ALX4: variants seen among roughly 807,000 people sequenced by gnomAD.
ALX4 encodes homeobox protein aristaless-like 4.
Under a neutral mutation model 40.6 loss-of-function variants are expected in ALX4, and 22 were observed. That is an observed-to-expected ratio of 0.54 (90% CI 0.39 to 0.77). The LOEUF is 0.77. Ranked by LOEUF, ALX4 falls within the 30% of genes least tolerant of loss-of-function variation. The pLI, the probability that ALX4 is intolerant of heterozygous loss-of-function variation, is 0.00. For missense variants in ALX4, 556 were observed against 564.8 expected (o/e 0.98, Z 0.16); for synonymous variants, 266 against 240.5 (o/e 1.11, Z -0.98).
chr11:44,285,336 C>T (rs900124158), intron 1 of ALX4, among the ~76,000 whole-genome samples: 3 of 152,228 alleles, frequency 2.0e-5, no homozygotes, highest in African/African-American at 7.2e-5. Context: ...TTCTACCACA[C>T]CATCCTTAAT....
intron 1 of ALX4, among the ~76,000 whole-genome samples, chr11:44,279,255 G>A (rs1005728234): frequency 7.9e-5 from 12 of 152,096 alleles, no homozygotes; most frequent in East Asian, 1.9e-4. Context: ...ACCCCCCAGC[G>A]CCCTTCCCCA....
chr11:44,276,137 C>G (rs1401443180), intron 1 of ALX4, among the ~76,000 whole-genome samples: 1 of 152,204 alleles, frequency 6.6e-6, no homozygotes, highest in African/African-American at 2.4e-5. Flanking sequence ...TTGAGGCAGA[C>G]AGGAGTGCCC....
At chr11:44,270,094 C>T (rs556678072) in intron 2 of ALX4, among the ~76,000 whole-genome samples, 22 of 151,800 alleles carry the variant, frequency 1.4e-4, no homozygotes, top group African/African-American at 4.1e-4. Flanking sequence ...GGAGGGACCC[C>T]GAAGAGGGAA....
rs2135313863 is a variant in ALX4 at position 44,275,332 on chromosome 11, G to A, written c.777+16C>T. ...CTCTGCTTTACCAGCCTCACTCCCAGGTGGCCCTCACTGACCTGCACGCGG... is the reference window on the plus strand; with the variant it reads ...CTCTGCTTTACCAGCCTCACTCCCAAGTGGCCCTCACTGACCTGCACGCGG... On this transcript the variant is annotated intron_variant, in intron 2 of 3. Transcript: ENST00000652299. 1 of 1,614,044 alleles carries A rather than the reference G, an allele frequency of 6.2e-7. No individual in the cohort carries two copies. The highest frequency in any genetic ancestry group is 8.5e-7 in the Non-Finnish European group (1 of 1,179,914).
rs1956201255 is a variant in ALX4 at position 44,264,530 on chromosome 11, G to A, written c.*324C>T. On this transcript the variant is annotated 3_prime_UTR_variant, in exon 4 of 4. Transcript: ENST00000652299. ...ATTGACTCATGGTCAACTAGGCAGA[G>A]CAGAGGAGTGGGCGGGAGCAAGAAA... The A allele has an allele frequency of 2.3e-6, 1 of 441,256 alleles. No homozygotes were observed. The highest frequency in any genetic ancestry group is 4.3e-5 in the East Asian group (1 of 23,252). 27.3% of individuals were successfully genotyped at this position (441,256 alleles called of 1,614,324 possible).
At chr11:44,299,354 GTTTTTT>G (rs772070484) in intron 1 of ALX4, among the ~76,000 whole-genome samples, 1 of 113,084 alleles carries the variant, frequency 8.8e-6, no homozygotes, top group Admixed American at 1.2e-4. Flanking sequence ...GGGGGCCATG[GTTTTTT>G]TTTTTTTTTT....
At chr11:44,292,052 C>T (rs561047993) in intron 1 of ALX4, among the ~76,000 whole-genome samples, 34 of 151,466 alleles carry the variant, frequency 2.2e-4, no homozygotes, top group African/African-American at 6.8e-4. Flanking sequence ...CTCCTGACCT[C>T]GAGATCCACC....
intron 1 of ALX4, 144 bp downstream of exon 1, chr11:44,309,453 G>T: frequency 1.4e-6 from 2 of 1,445,930 alleles, no homozygotes; most frequent in South Asian, 1.4e-5. Flanking sequence ...CTCCCTCGCA[G>T]CGATCGATCC....
intron 1 of ALX4, among the ~76,000 whole-genome samples, chr11:44,304,531 G>A (rs942495001): frequency 1.3e-5 from 2 of 152,144 alleles, no homozygotes; most frequent in Non-Finnish European, 2.9e-5. Flanking sequence ...TCTGAGCCGC[G>A]GGGGCTCCGG....
At position 44,275,370 on chromosome 11, in the gene ALX4, T is replaced by C. The variant is rs1956271610; in HGVS notation, c.755A>G (p.Asp252Gly). 6.2e-7 allele frequency: 1 copy of C among 1,614,082 alleles called. No homozygotes were observed. Among genetic ancestry groups the C allele is most frequent in the African/African-American group, 1.3e-5 (1 of 74,924 alleles). Reference sequence around the variant, plus strand: ...GACCTGCACGCGGGCCTCAGTGAGGTCTGTCCTCATGGCCAGCTGTTCCCG... The same window carrying C: ...GACCTGCACGCGGGCCTCAGTGAGGCCTGTCCTCATGGCCAGCTGTTCCCG... ...YAREQLAMRT[D>G]LTEARVQVWF... is the part of the protein sequence containing the mutation. The change falls in exon 2 of 4, where the codon GAC becomes GGC. Residue 252 changes from aspartate to glycine, a missense_variant. Transcript: ENST00000652299.
Position 44,261,062 on chromosome 11 carries a change from A to G in ALX4, c.*3792T>C, listed in dbSNP as rs147497663. ...CCCTACAGCATCCTGAAAGAAGTGA[A>G]GTGGGGTTGATGGGTCATTGTCACC... On this transcript the variant is annotated 3_prime_UTR_variant, in exon 4 of 4. Coordinates refer to ENST00000652299, the MANE Select transcript of ALX4 (RefSeq NM_021926.4). 1.3e-5 allele frequency: 2 copies of G among 152,346 alleles called. No homozygotes were observed. Among genetic ancestry groups the G allele is most frequent in the African/African-American group, 4.8e-5 (2 of 41,554 alleles). 9.4% of individuals were successfully genotyped at this position (152,346 alleles called of 1,614,324 possible).
At position 44,264,514 on chromosome 11, in the gene ALX4, T is replaced by G; in HGVS notation, c.*340A>C. 1 of 355,180 alleles carries G rather than the reference T, an allele frequency of 2.8e-6. No homozygotes were observed. Among genetic ancestry groups the G allele is most frequent in the Non-Finnish European group, 5.2e-6 (1 of 191,186 alleles). The allele number at this position is 355,180 out of a possible 1,614,324, so 22.0% of individuals were successfully genotyped here. A position where few individuals can be genotyped will look rare whatever the true frequency, so the allele number is the denominator to read the frequency against. On this transcript the variant is annotated 3_prime_UTR_variant, in exon 4 of 4. Transcript: ENST00000652299. ...TGCATGGAAATCTAGCATTGACTCA[T>G]GGTCAACTAGGCAGAGCAGAGGAGT...
intron 1 of ALX4, among the ~76,000 whole-genome samples, chr11:44,304,545 A>G (rs1956455159): frequency 6.6e-6 from 1 of 152,092 alleles, no homozygotes. Flanking sequence ...GCTCCGGGCA[A>G]CTATCCCCCT....
chr11:44,307,206 C>A (rs1344282126), intron 1 of ALX4, among the ~76,000 whole-genome samples: 1 of 152,142 alleles, frequency 6.6e-6, no homozygotes, highest in Non-Finnish European at 1.5e-5. Flanking sequence ...CTTGCTCTTG[C>A]CTCTTGCTGT....
Position 44,283,572 on chromosome 11 carries a change from T to C in ALX4, c.467-7914A>G, listed in dbSNP as rs545918523. Among the ~76,000 whole-genome samples the C allele has an allele frequency of 7.9e-5, 12 of 152,336 alleles. No individual in the cohort carries two copies. In the South Asian group the frequency reaches 2.3e-3, roughly 29 times the overall value. On this transcript the variant is annotated intron_variant, in intron 1 of 3. Coordinates refer to ENST00000652299, the MANE Select transcript of ALX4 (RefSeq NM_021926.4). ...CTGATAGTCTTTATTCTGCACGTTG[T>C]TTCTTTTTTTGAGACAGAGTCTCGC...
chr11:44,309,667 G>T lies in ALX4; in HGVS notation c.396C>A (p.Pro132=). 6.3e-7 allele frequency: 1 copy of T among 1,592,476 alleles called. No individual in the cohort carries two copies. The highest frequency in any genetic ancestry group is 8.5e-7 in the Non-Finnish European group (1 of 1,174,078). ...LYLQRGACKT[P]PDGSLKLQEG... The stretch of plus-strand genomic sequence containing the variant: ...CCTGGAGTTTGAGGCTGCCGTCCGG[G>T]GGCGTCTTGCAGGCGCCTCGCTGCA... The change falls in exon 1 of 4, where the codon CCC becomes CCA. Residue 132 remains proline, a synonymous_variant. Coordinates refer to ENST00000652299, the MANE Select transcript of ALX4 (RefSeq NM_021926.4).
At chr11:44,282,243 A>G (rs1275844557) in intron 1 of ALX4, among the ~76,000 whole-genome samples, 1 of 152,234 alleles carries the variant, frequency 6.6e-6, no homozygotes, top group Non-Finnish European at 1.5e-5. Flanking sequence ...GCAAATAAGC[A>G]TGAAATATGC....
rs1263963839 is a variant in ALX4 at position 44,309,948 on chromosome 11, C to T, written c.115G>A (p.Gly39Arg). 1.7e-5 allele frequency: 27 copies of T among 1,593,750 alleles called. No homozygotes were observed. The highest frequency in any genetic ancestry group is 2.2e-5 in the Non-Finnish European group (26 of 1,169,944). ...AAAGTTGTGCCGAACTTGTCGCCTC[C>T]GGGAAATGCCCTAAAAGGCGACGAG... ...EGSSPFRAFP[G>R]GDKFGTTFLS... The change falls in exon 1 of 4, where the codon GGA becomes AGA. Residue 39 changes from glycine to arginine, a missense_variant. Transcript: ENST00000652299.
At chr11:44,302,446 A>C (rs1051495235) in intron 1 of ALX4, among the ~76,000 whole-genome samples, 4 of 152,202 alleles carry the variant, frequency 2.6e-5, no homozygotes, top group African/African-American at 9.6e-5. Context: ...CCAGTTCTTC[A>C]TTCATTCTTC....
Sources: allele counts gnomAD v4.1 joint callset (sites outside exome capture counted in the v4.1 genomes callset), GRCh38; gene constraint gnomAD v4.1.1; transcripts MANE v1.5; gene names NCBI Gene and HGNC (gene_info 2026-07-23, HGNC 2026-07-21).